The following AGBL4 variants were observed in gnomAD, a reference collection of about 807,000 sequenced individuals.
The protein encoded by AGBL4 is cytosolic carboxypeptidase 6.
Under a neutral mutation model 66.4 loss-of-function variants are expected in AGBL4, and 58 were observed. The ratio of observed to expected loss-of-function variants is 0.87; its 90% confidence interval spans 0.71 to 1.09. The LOEUF is 1.09. Among genes scored for constraint, AGBL4 ranks in the 50% least tolerant of loss-of-function variants. The pLI is 0.00. For missense variants in AGBL4, 579 were observed against 631.0 expected, an observed-to-expected ratio of 0.92 and a Z score of 0.88; for synonymous variants, 234 against 222.9, an observed-to-expected ratio of 1.05 and a Z score of -0.44.
chr1:49,887,550 C>T (rs1648199164), intron 1 of AGBL4, among the ~76,000 whole-genome samples: 1 of 151,988 alleles, frequency 6.6e-6, no homozygotes, highest in African/African-American at 2.4e-5. Flanking sequence ...ATGCCATAAA[C>T]AATTGAAATT....
chr1:49,494,387 C>T (rs940302116), intron 3 of AGBL4, among the ~76,000 whole-genome samples: 4 of 151,944 alleles, frequency 2.6e-5, no homozygotes, highest in Non-Finnish European at 4.4e-5. Flanking sequence ...AACTCGTCAT[C>T]TAGCATTAGG....
intron 3 of AGBL4, among the ~76,000 whole-genome samples, chr1:49,614,372 C>A (rs921907482): frequency 1.3e-5 from 2 of 152,064 alleles, no homozygotes; most frequent in African/African-American, 2.4e-5. Flanking sequence ...CATGTTGTTA[C>A]ATGTAGTTAC....
intron 4 of AGBL4, among the ~76,000 whole-genome samples, chr1:49,094,915 G>A (rs1223034585): frequency 1.3e-5 from 2 of 152,142 alleles, no homozygotes; most frequent in East Asian, 3.9e-4. Context: ...CAGATGACAT[G>A]ATTGTATATC....
At chr1:49,874,283 C>T (rs1172213632) in intron 1 of AGBL4, among the ~76,000 whole-genome samples, 1 of 151,842 alleles carries the variant, frequency 6.6e-6, no homozygotes, top group African/African-American at 2.4e-5. Flanking sequence ...TTGGAGTAGG[C>T]AAATATTTCT....
chr1:49,587,089 C>CA (rs967041903), intron 3 of AGBL4, among the ~76,000 whole-genome samples: 5 of 151,802 alleles, frequency 3.3e-5, no homozygotes, highest in Non-Finnish European at 5.9e-5. Context: ...GATAAAAATA[C>CA]AAAAAAATTA....
chr1:49,368,764 C>G (rs1360577228), intron 3 of AGBL4, among the ~76,000 whole-genome samples: 1 of 152,042 alleles, frequency 6.6e-6, no homozygotes, highest in Non-Finnish European at 1.5e-5. Context: ...TATTTAATTA[C>G]CATTCTATAC....
chr1:48,702,287 T>G (rs1256075449), intron 6 of AGBL4, among the ~76,000 whole-genome samples: 1 of 151,896 alleles, frequency 6.6e-6, no homozygotes, highest in Non-Finnish European at 1.5e-5. Context: ...TGTTTTTTTT[T>G]GTTTTGTTTT....
chr1:49,296,643 G>T (rs946158966), intron 3 of AGBL4, among the ~76,000 whole-genome samples: 1 of 152,142 alleles, frequency 6.6e-6, no homozygotes, highest in African/African-American at 2.4e-5. Flanking sequence ...GCCCTGAAAA[G>T]GTCATAGCCC....
intron 6 of AGBL4, among the ~76,000 whole-genome samples, chr1:48,777,129 G>A (rs1255139159): frequency 6.6e-6 from 1 of 152,150 alleles, no homozygotes; most frequent in Non-Finnish European, 1.5e-5. Flanking sequence ...CACAGCCGGA[G>A]CGCGATTCGA....
intron 4 of AGBL4, among the ~76,000 whole-genome samples, chr1:49,099,116 C>T (rs549543510): frequency 8.5e-5 from 13 of 152,142 alleles, no homozygotes; most frequent in Admixed American, 3.3e-4. Flanking sequence ...AATGTCACTG[C>T]TTCGGTCTGA....
chr1:48,776,566 C>T (rs1645098330), intron 6 of AGBL4: 1 of 1,357,688 alleles, frequency 7.4e-7, no homozygotes, highest in Non-Finnish European at 9.5e-7. Flanking sequence ...GTCCCAGCCC[C>T]CGCCCGGGTC....
intron 5 of AGBL4, among the ~76,000 whole-genome samples, chr1:48,963,516 T>TA (rs1658174812): frequency 1.3e-5 from 2 of 151,664 alleles, no homozygotes; most frequent in Non-Finnish European, 2.9e-5. Flanking sequence ...TTTTTTTTTT[T>TA]AATTTCCAGA....
intron 4 of AGBL4, among the ~76,000 whole-genome samples, chr1:49,133,038 A>T (rs1569753854): frequency 6.6e-6 from 1 of 152,216 alleles, no homozygotes; most frequent in Admixed American, 6.5e-5. Flanking sequence ...GCACATATAC[A>T]CCATGGAATA....
chr1:49,399,020 C>A (rs557431449), intron 3 of AGBL4, among the ~76,000 whole-genome samples: 3 of 152,190 alleles, frequency 2.0e-5, no homozygotes, highest in African/African-American at 7.2e-5. Context: ...CCTCTGGTAA[C>A]CATCCTTCTA....
intron 3 of AGBL4, among the ~76,000 whole-genome samples, chr1:49,684,044 G>A (rs2124570287): frequency 6.6e-6 from 1 of 152,250 alleles, no homozygotes; most frequent in Admixed American, 6.5e-5. Context: ...GCTACAAGTG[G>A]ATTGAACCAT....
chr1:48,699,026 C>G (rs1646759426), intron 6 of AGBL4, among the ~76,000 whole-genome samples: 1 of 152,222 alleles, frequency 6.6e-6, no homozygotes, highest in South Asian at 2.1e-4. Context: ...ATTTCTCTAG[C>G]TGCATCTCTA....
chr1:49,341,547 A>T lies in AGBL4; in HGVS notation c.283-95683T>A, dbSNP rs114304430. Among the ~76,000 whole-genome samples the T allele has an allele frequency of 1.4e-3, 216 of 152,320 alleles. 1 individual carries two copies. The highest frequency in any genetic ancestry group is 6.8e-3 in the Middle Eastern group (2 of 294). ...TCTCTCTTAAGACACAGGGGGTTAG[A>T]GGCCCACCTCAGTAAGGCCCCTCTT... On this transcript the variant is annotated intron_variant, in intron 3 of 13. Coordinates refer to ENST00000371839, the MANE Select transcript of AGBL4 (RefSeq NM_032785.4).
intron 3 of AGBL4, among the ~76,000 whole-genome samples, chr1:49,442,580 T>A (rs192265139): frequency 6.6e-5 from 10 of 152,338 alleles, no homozygotes; most frequent in Non-Finnish European, 2.9e-5. Context: ...GCAAATAACA[T>A]GATTTCACGC....
chr1:49,804,232 G>A (rs544837100), intron 2 of AGBL4, among the ~76,000 whole-genome samples: 2 of 152,252 alleles, frequency 1.3e-5, no homozygotes, highest in South Asian at 2.1e-4. Flanking sequence ...CTTTGAATGC[G>A]AGGAATGTTT....
Sources: allele counts gnomAD v4.1 joint callset (sites outside exome capture counted in the v4.1 genomes callset), GRCh38; gene constraint gnomAD v4.1.1; transcripts MANE v1.5; gene names NCBI Gene and HGNC (gene_info 2026-07-23, HGNC 2026-07-21).